Variants in ZNF623 observed in about 807,000 individuals in gnomAD.
The protein encoded by ZNF623 is zinc finger protein 623.
In ZNF623, 16 loss-of-function variants were observed where a neutral mutation model predicts 24.0. The observed-to-expected ratio is 0.67, with a 90% CI of 0.45 to 1.01. ZNF623 has a LOEUF of 1.01. Ranked by LOEUF, ZNF623 falls within the 50% of genes least tolerant of loss-of-function variation. ZNF623 has a pLI of 0.00. For synonymous variants in ZNF623, 224 were observed against 219.8 expected (o/e 1.02, Z -0.17); for missense variants, 566 against 606.5 (o/e 0.93, Z 0.70).
intron 1 of ZNF623, among the ~76,000 whole-genome samples, chr8:143,648,555 C>T (rs902110250): frequency 1.1e-4 from 17 of 151,952 alleles, no homozygotes; most frequent in South Asian, 4.2e-4. Flanking sequence ...TTTTTCAGGT[C>T]GCTGGGAACT....
rs974744767 is a variant in ZNF623 at position 143,653,487 on chromosome 8, A to G, written c.*2004A>G. On this transcript the variant is annotated 3_prime_UTR_variant, in exon 2 of 2. Transcript: ENST00000526926. Reference sequence around the variant, plus strand: ...AAGTGTACAAGGTTTTGAAAAATCTATACACCTGTGTAACCACCACCACCT... The same window carrying G: ...AAGTGTACAAGGTTTTGAAAAATCTGTACACCTGTGTAACCACCACCACCT... 5 of 167,094 alleles carry G rather than the reference A, an allele frequency of 3.0e-5. No individual in the cohort carries two copies. The East Asian group carries it at 7.7e-4, about 26-fold the overall frequency. The allele number at this position is 167,094 out of a possible 1,614,324, so 10.4% of individuals were successfully genotyped here.
At chr8:143,647,825 A>C (rs1014557816) in intron 1 of ZNF623, among the ~76,000 whole-genome samples, 1 of 152,230 alleles carries the variant, frequency 6.6e-6, no homozygotes, top group African/African-American at 2.4e-5. Context: ...GGAGGTGGTC[A>C]CGCTTCATGG....
chr8:143,647,672 C>G (rs989363504), intron 1 of ZNF623, among the ~76,000 whole-genome samples: 1 of 152,282 alleles, frequency 6.6e-6, no homozygotes, highest in Admixed American at 6.5e-5. Flanking sequence ...AGTCCAGGCC[C>G]AGTGGCCCTT....
At chr8:143,649,648 G>C (rs1815249070) in intron 1 of ZNF623, 1 of 539,558 alleles carries the variant, frequency 1.9e-6, no homozygotes, top group Non-Finnish European at 3.3e-6. Context: ...CTAATGGTCA[G>C]AGGAGTGTTG....
At chr8:143,639,899 C>T (rs763477854) in intron 1 of ZNF623, among the ~76,000 whole-genome samples, 7 of 152,146 alleles carry the variant, frequency 4.6e-5, no homozygotes, top group Non-Finnish European at 1.5e-5. Context: ...CTTCCCTTCT[C>T]GCCTCATCTT....
chr8:143,638,452 C>T (rs566281899), intron 1 of ZNF623, among the ~76,000 whole-genome samples: 5 of 152,000 alleles, frequency 3.3e-5, no homozygotes, highest in South Asian at 4.2e-4. Context: ...TGTTTCTGGC[C>T]GGCCGTGGTG....
intron 1 of ZNF623, among the ~76,000 whole-genome samples, chr8:143,649,057 C>A (rs892933325): frequency 5.9e-5 from 9 of 152,108 alleles, no homozygotes; most frequent in African/African-American, 2.2e-4. Flanking sequence ...GCGGGCAGAT[C>A]ACGAGGTCAG....
rs1815353171 is a variant in ZNF623 at position 143,652,486 on chromosome 8, A to G, written c.*1003A>G. 1 of 167,070 alleles carries G rather than the reference A, an allele frequency of 6.0e-6. No individual in the cohort carries two copies. Among genetic ancestry groups the G allele is most frequent in the Non-Finnish European group, 1.5e-5 (1 of 68,122 alleles). 10.3% of individuals were successfully genotyped at this position (167,070 alleles called of 1,614,324 possible). A position where few individuals can be genotyped will look rare whatever the true frequency, so the allele number is the denominator to read the frequency against. On this transcript the variant is annotated 3_prime_UTR_variant, in exon 2 of 2. Coordinates refer to ENST00000526926, the MANE Select transcript of ZNF623 (RefSeq NM_001261843.2). The stretch of plus-strand genomic sequence containing the variant: ...TGTTTGTTCATTTTGTATCAGTATA[A>G]TCTACGATTCTGTTAGAAGTATCTT...
intron 1 of ZNF623, among the ~76,000 whole-genome samples, chr8:143,640,356 G>A (rs1425531025): frequency 6.6e-6 from 1 of 152,166 alleles, no homozygotes; most frequent in African/African-American, 2.4e-5. Flanking sequence ...GGTTGCTGAA[G>A]GTTGGTGTGA....
rs1023157247 is a variant in ZNF623, at chr8:143,653,163, G to A, written c.*1680G>A. 3.6e-5 allele frequency: 6 copies of A among 167,098 alleles called. No homozygotes were observed. Among genetic ancestry groups the A allele is most frequent in the Non-Finnish European group, 8.8e-5 (6 of 68,134 alleles). 10.4% of individuals were successfully genotyped at this position (167,098 alleles called of 1,614,324 possible). ...TTTGGCTAGGACTGTTCGAAAGCAGGCGAGGTAAATGGACAGTGGACAGCC... is the reference window on the plus strand; with the variant it reads ...TTTGGCTAGGACTGTTCGAAAGCAGACGAGGTAAATGGACAGTGGACAGCC... On this transcript the variant is annotated 3_prime_UTR_variant, in exon 2 of 2. Transcript: ENST00000526926.
chr8:143,641,001 C>G (rs886736431), intron 1 of ZNF623, among the ~76,000 whole-genome samples: 4 of 145,506 alleles, frequency 2.7e-5, no homozygotes, highest in Non-Finnish European at 4.5e-5. Context: ...AGTTTGATCA[C>G]GAGATTGAAG....
intron 1 of ZNF623, among the ~76,000 whole-genome samples, chr8:143,643,291 C>T (rs1439390464): frequency 1.3e-5 from 2 of 152,234 alleles, no homozygotes; most frequent in Admixed American, 6.5e-5. Flanking sequence ...CGATGACATA[C>T]AGTTGCAGCT....
At position 143,653,162 on chromosome 8, in the gene ZNF623, G is replaced by A. The variant is rs573660583; in HGVS notation, c.*1679G>A. 2 of 167,212 alleles carry A rather than the reference G, an allele frequency of 1.2e-5. No homozygotes were observed. The highest frequency in any genetic ancestry group is 3.9e-4 in the East Asian group (2 of 5,190). The allele number at this position is 167,212 out of a possible 1,614,324, so 10.4% of individuals were successfully genotyped here. The stretch of plus-strand genomic sequence containing the variant: ...TTTTGGCTAGGACTGTTCGAAAGCA[G>A]GCGAGGTAAATGGACAGTGGACAGC... On this transcript the variant is annotated 3_prime_UTR_variant, in exon 2 of 2. Transcript: ENST00000526926.
At chr8:143,640,389 C>A (rs543481081) in intron 1 of ZNF623, among the ~76,000 whole-genome samples, 1 of 152,078 alleles carries the variant, frequency 6.6e-6, no homozygotes, top group East Asian at 1.9e-4. Flanking sequence ...TAAAATGGGA[C>A]GATGAAGTTT....
Position 143,652,836 on chromosome 8 carries a change from A to G in ZNF623, c.*1353A>G, listed in dbSNP as rs1438048356. 1 of 167,068 alleles carries G rather than the reference A, an allele frequency of 6.0e-6. No individual in the cohort carries two copies. The highest frequency in any genetic ancestry group is 1.5e-5 in the Non-Finnish European group (1 of 68,130). 10.3% of individuals were successfully genotyped at this position (167,068 alleles called of 1,614,324 possible). The stretch of plus-strand genomic sequence containing the variant: ...CTCTCTGGCTCATTGTGTCATTTCA[A>G]AATGTATTGATATCTATAAGGAATA... On this transcript the variant is annotated 3_prime_UTR_variant, in exon 2 of 2. Transcript: ENST00000526926.
chr8:143,639,833 G>A (rs1815010852), intron 1 of ZNF623, among the ~76,000 whole-genome samples: 1 of 152,216 alleles, frequency 6.6e-6, no homozygotes, highest in African/African-American at 2.4e-5. Context: ...GACTCTGGCT[G>A]CCCTGCCTCA....
intron 1 of ZNF623, among the ~76,000 whole-genome samples, chr8:143,645,624 T>C (rs1263186418): frequency 2.0e-5 from 3 of 152,164 alleles, no homozygotes; most frequent in Non-Finnish European, 2.9e-5. Context: ...GAAAAAGTGA[T>C]TCCTGGCTGG....
At chr8:143,639,618 G>T (rs1339830156) in intron 1 of ZNF623, among the ~76,000 whole-genome samples, 2 of 152,200 alleles carry the variant, frequency 1.3e-5, no homozygotes, top group African/African-American at 2.4e-5. Flanking sequence ...GCCTCCCAAA[G>T]TGCTGTGATT....
At position 143,653,285 on chromosome 8, in the gene ZNF623, A is replaced by G. The variant is rs561095547; in HGVS notation, c.*1802A>G. 4 of 167,200 alleles carry G rather than the reference A, an allele frequency of 2.4e-5. No individual in the cohort carries two copies. Among genetic ancestry groups the G allele is most frequent in the South Asian group, 2.1e-4 (1 of 4,826 alleles). The allele number at this position is 167,200 out of a possible 1,614,324, so 10.4% of individuals were successfully genotyped here. A position where few individuals can be genotyped will look rare whatever the true frequency, so the allele number is the denominator to read the frequency against. Reference sequence around the variant, plus strand: ...GATATAATTTTTTTCTCATGAGGCCATATTTTGAGTTCTTAAATACTACCA... The same window carrying G: ...GATATAATTTTTTTCTCATGAGGCCGTATTTTGAGTTCTTAAATACTACCA... On this transcript the variant is annotated 3_prime_UTR_variant, in exon 2 of 2. Coordinates refer to ENST00000526926, the MANE Select transcript of ZNF623 (RefSeq NM_001261843.2).
Sources: allele counts gnomAD v4.1 joint callset (sites outside exome capture counted in the v4.1 genomes callset), GRCh38; gene constraint gnomAD v4.1.1; transcripts MANE v1.5; gene names NCBI Gene and HGNC (gene_info 2026-07-23, HGNC 2026-07-21).